LAMC1: variants seen among roughly 807,000 people sequenced by gnomAD.
LAMC1 encodes laminin subunit gamma-1.
LAMC1 carries 38 observed loss-of-function variants against 173.6 expected under a neutral mutation model. The observed-to-expected ratio is 0.22, with a 90% CI of 0.17 to 0.29. The LOEUF is 0.29. Among genes scored for constraint, LAMC1 ranks in the 10% least tolerant of loss-of-function variants. LAMC1 has a pLI of 1.00. For synonymous variants in LAMC1, 746 were observed against 749.1 expected (o/e 1.00, Z 0.07); for missense variants, 1,824 against 2,051.8 (o/e 0.89, Z 2.14).
At chr1:183,024,416 G>C (rs1213098097) in intron 1 of LAMC1, among the ~76,000 whole-genome samples, 2 of 152,186 alleles carry the variant, frequency 1.3e-5, no homozygotes, top group African/African-American at 4.8e-5. Flanking sequence ...TCGGCTGTTA[G>C]GATTGTGATT....
intron 11 of LAMC1, among the ~76,000 whole-genome samples, chr1:183,119,792 A>G (rs898441763): frequency 1.3e-5 from 2 of 152,164 alleles, no homozygotes; most frequent in African/African-American, 4.8e-5. Context: ...TAAGAAAGAG[A>G]AACAATTAAC....
chr1:183,042,272 C>T (rs1419965476), intron 1 of LAMC1, among the ~76,000 whole-genome samples: 1 of 151,986 alleles, frequency 6.6e-6, no homozygotes, highest in Non-Finnish European at 1.5e-5. Flanking sequence ...GTGATAGGCC[C>T]CTGTGCTTTC....
intron 1 of LAMC1, among the ~76,000 whole-genome samples, chr1:183,083,768 G>A (rs183025824): frequency 2.6e-5 from 4 of 151,994 alleles, no homozygotes; most frequent in South Asian, 2.1e-4. Flanking sequence ...AACATTTTAC[G>A]GGACAATTTT....
chr1:183,102,141 C>T (rs1655853413), intron 1 of LAMC1, among the ~76,000 whole-genome samples: 3 of 152,106 alleles, frequency 2.0e-5, no homozygotes, highest in Admixed American at 2.0e-4. Flanking sequence ...AAAGCGGGGT[C>T]CAGGCCACAC....
chr1:183,133,631 T>C lies in LAMC1; in HGVS notation c.3849+81T>C, dbSNP rs930752796. 9.1e-6 allele frequency: 12 copies of C among 1,314,954 alleles called. No individual in the cohort carries two copies. In the Admixed American group the frequency reaches 1.4e-4, roughly 16 times the overall value. 81.5% of individuals were successfully genotyped at this position (1,314,954 alleles called of 1,614,324 possible). A position where few individuals can be genotyped will look rare whatever the true frequency, so the allele number is the denominator to read the frequency against. On this transcript the variant is annotated intron_variant, in intron 22 of 27. Transcript: ENST00000258341. ...GAGAGCCGACTGCTCTGCACCTCCCTCTGTCCTCCCACTGACTCGCTGGTA... is the reference window on the plus strand; with the variant it reads ...GAGAGCCGACTGCTCTGCACCTCCCCCTGTCCTCCCACTGACTCGCTGGTA...
chr1:183,037,578 C>T (rs1289997156), intron 1 of LAMC1, among the ~76,000 whole-genome samples: 2 of 152,156 alleles, frequency 1.3e-5, no homozygotes, highest in African/African-American at 4.8e-5. Flanking sequence ...TATTCAGGTT[C>T]AGAAGTGATA....
At chr1:183,095,992 A>G (rs1044899652) in intron 1 of LAMC1, among the ~76,000 whole-genome samples, 1 of 152,252 alleles carries the variant, frequency 6.6e-6, no homozygotes, top group African/African-American at 2.4e-5. Context: ...CTGTATGCAT[A>G]TAATGGCTGT....
At chr1:183,080,469 G>A (rs1454235124) in intron 1 of LAMC1, among the ~76,000 whole-genome samples, 1 of 152,122 alleles carries the variant, frequency 6.6e-6, no homozygotes, top group African/African-American at 2.4e-5. Context: ...GAGGTAGTGG[G>A]TATAACTGGA....
chr1:183,029,436 C>G (rs1446932792), intron 1 of LAMC1, among the ~76,000 whole-genome samples: 1 of 152,204 alleles, frequency 6.6e-6, no homozygotes, highest in Non-Finnish European at 1.5e-5. Context: ...TTCTAAAATG[C>G]AAATCTGATC....
At position 183,136,370 on chromosome 1, in the gene LAMC1, C is replaced by T; in HGVS notation, c.4115-16C>T. The stretch of plus-strand genomic sequence containing the variant: ...GTTGGGAGTTTAGCTCAAATGTGTC[C>T]TTGAACTTGTTTCAGATTTTGATAG... On this transcript the variant is annotated splice_polypyrimidine_tract_variant and intron_variant, in intron 24 of 27. Coordinates refer to ENST00000258341, the MANE Select transcript of LAMC1 (RefSeq NM_002293.4). 2 of 1,612,610 alleles carry T rather than the reference C, an allele frequency of 1.2e-6. No homozygotes were observed. Among genetic ancestry groups the T allele is most frequent in the Non-Finnish European group, 1.7e-6 (2 of 1,178,760 alleles).
chr1:183,137,824 G>A lies in LAMC1; in HGVS notation c.4470G>A (p.Gly1490=). ...DDADQDMMMA[G]MASQAAQEAE... ...CTGACCAGGACATGATGATGGCAGGGATGGTAAGAGGTTTTGGTATATTTG... is the reference window on the plus strand; with the variant it reads ...CTGACCAGGACATGATGATGGCAGGAATGGTAAGAGGTTTTGGTATATTTG... The change falls in exon 26 of 28, where the codon GGG becomes GGA. Residue 1490 remains glycine (G), a synonymous_variant. Coordinates refer to ENST00000258341, the MANE Select transcript of LAMC1 (RefSeq NM_002293.4). 6.3e-7 allele frequency: 1 copy of A among 1,598,604 alleles called. No individual in the cohort carries two copies. The highest frequency in any genetic ancestry group is 8.5e-7 in the Non-Finnish European group (1 of 1,172,928).
Position 183,121,736 on chromosome 1 carries a change from G to T in LAMC1, c.2004G>T (p.Leu668Phe). ...GTYSERSAGY[L>F]DDVTLASARP... is the part of the protein sequence containing the mutation. ...CACTATACACAGGTGCTGGATATTT[G>T]GATGATGTCACCCTGGCAAGTGCTC... The change falls in exon 12 of 28, where the codon TTG (leucine) becomes TTT (phenylalanine). Residue 668 changes from leucine to phenylalanine, a missense_variant. Physicochemically the swap from Leu to Phe is conservative, Grantham distance 22. Transcript: ENST00000258341. 1.2e-6 allele frequency: 2 copies of T among 1,613,788 alleles called. No individual in the cohort carries two copies. Among genetic ancestry groups the T allele is most frequent in the Non-Finnish European group, 1.7e-6 (2 of 1,179,866 alleles).
rs869048174 is a variant in LAMC1 at position 183,131,460 on chromosome 1, TA to T, written c.3566+83del. ...GTGTGTGTGTGTGTGTGTGTGTGTGTATTGTCTTATCCCATAACCCATAAAC... is the reference window on the plus strand; with the variant it reads ...GTGTGTGTGTGTGTGTGTGTGTGTGTTTGTCTTATCCCATAACCCATAAAC... On this transcript the variant is annotated intron_variant, in intron 20 of 27. Coordinates refer to ENST00000258341, the MANE Select transcript of LAMC1 (RefSeq NM_002293.4). 358 of 872,318 alleles carry T rather than the reference TA, an allele frequency of 4.1e-4. 44 individuals are homozygous for T. The highest frequency in any genetic ancestry group is 4.9e-4 in the South Asian group (34 of 69,868). The allele number at this position is 872,318 out of a possible 1,614,324, so 54.0% of individuals were successfully genotyped here. A position where few individuals can be genotyped will look rare whatever the true frequency, so the allele number is the denominator to read the frequency against.
intron 1 of LAMC1, among the ~76,000 whole-genome samples, chr1:183,048,339 T>C (rs912102837): frequency 6.6e-6 from 1 of 152,212 alleles, no homozygotes; most frequent in Non-Finnish European, 1.5e-5. Flanking sequence ...TTATACCTAC[T>C]TAGTTAAAAT....
chr1:183,080,912 G>A (rs983543814), intron 1 of LAMC1, among the ~76,000 whole-genome samples: 7 of 152,000 alleles, frequency 4.6e-5, no homozygotes, highest in Non-Finnish European at 8.8e-5. Flanking sequence ...TTTTGAGACG[G>A]AGTTTTGCTC....
At chr1:183,109,581 C>T (rs1571445684) in intron 3 of LAMC1, among the ~76,000 whole-genome samples, 1 of 152,218 alleles carries the variant, frequency 6.6e-6, no homozygotes, top group East Asian at 1.9e-4. Flanking sequence ...TCATGGGGGA[C>T]ATCAAAGTTT....
chr1:183,053,633 G>T (rs1466121370), intron 1 of LAMC1, among the ~76,000 whole-genome samples: 5 of 145,296 alleles, frequency 3.4e-5, no homozygotes, highest in African/African-American at 5.0e-5. Flanking sequence ...GATAGTTTTG[G>T]TTTTTTTTTT....
intron 1 of LAMC1, among the ~76,000 whole-genome samples, chr1:183,054,861 A>C (rs999369979): frequency 1.3e-5 from 2 of 152,144 alleles, no homozygotes; most frequent in Non-Finnish European, 2.9e-5. Flanking sequence ...CCCTTCTTCT[A>C]CTGAAGAGGA....
At chr1:183,078,964 C>T (rs966895818) in intron 1 of LAMC1, among the ~76,000 whole-genome samples, 5 of 152,102 alleles carry the variant, frequency 3.3e-5, no homozygotes, top group African/African-American at 1.2e-4. Context: ...CTTTGCACTC[C>T]AGCCTGGGCA....
Sources: gnomAD v4.1 joint callset for allele counts (sites outside exome capture counted in the v4.1 genomes callset) on GRCh38, gnomAD v4.1.1 for gene constraint, MANE v1.5 for transcripts, NCBI Gene and HGNC (gene_info 2026-07-23, HGNC 2026-07-21) for gene names.